Variants in MED13 observed in about 807,000 individuals in gnomAD.
MED13 encodes mediator complex subunit 13.
In MED13, 23 loss-of-function variants were observed where a neutral mutation model predicts 225.2. The ratio of observed to expected loss-of-function variants is 0.10; its 90% CI spans 0.07 to 0.14. The LOEUF (loss-of-function observed/expected upper bound fraction) is 0.14, where lower values mean the gene tolerates loss of function less well. Among genes scored for constraint, MED13 ranks in the 10% least tolerant of loss-of-function variants. The pLI is 1.00. For missense variants in MED13, 2,197 were observed against 2,594.5 expected (o/e 0.85, Z 3.33); for synonymous variants, 942 against 889.2 (o/e 1.06, Z -1.06).
intron 8 of MED13, among the ~76,000 whole-genome samples, chr17:62,012,537 T>C (rs1260624485): frequency 6.6e-6 from 1 of 150,612 alleles, no homozygotes; most frequent in Non-Finnish European, 1.5e-5. Context: ...TCCATGTTGG[T>C]CAGGCTGGTC....
chr17:62,001,578 A>G (rs1315433045), intron 9 of MED13, among the ~76,000 whole-genome samples: 1 of 152,308 alleles, frequency 6.6e-6, no homozygotes, highest in Non-Finnish European at 1.5e-5. Context: ...TCCATTCTAT[A>G]GTCCTACGCT....
chr17:61,997,994 A>G (rs1343717637), intron 9 of MED13, among the ~76,000 whole-genome samples: 1 of 152,240 alleles, frequency 6.6e-6, no homozygotes. Context: ...CACAGACATT[A>G]GCATGTGCAA....
intron 16 of MED13, among the ~76,000 whole-genome samples, chr17:61,981,304 G>A (rs2080202470): frequency 6.6e-6 from 1 of 152,198 alleles, no homozygotes; most frequent in Admixed American, 6.5e-5. Context: ...TTACAGGCAT[G>A]AGCCACTGTG....
Position 61,949,036 on chromosome 17 carries a change from C to T in MED13, c.6291+1789G>A, listed in dbSNP as rs963695419. Among the ~76,000 whole-genome samples the T allele has an allele frequency of 3.3e-5, 5 of 149,554 alleles. No homozygotes were observed. The East Asian group carries it at 1.0e-3, about 30-fold the overall frequency. ...CCGGGAGGCGGAGCTTGCAGTGAGC[C>T]GAGATCCCGCCACTGCACTCCAGCC... On this transcript the variant is annotated intron_variant, in intron 28 of 29. Transcript: ENST00000397786.
At chr17:61,960,473 A>G (rs1364827635) in intron 23 of MED13, among the ~76,000 whole-genome samples, 1 of 152,102 alleles carries the variant, frequency 6.6e-6, no homozygotes, top group East Asian at 1.9e-4. Flanking sequence ...TTAAATCGCC[A>G]ATTTTAGTAA....
chr17:61,979,801 G>A (rs1447894250), intron 16 of MED13, among the ~76,000 whole-genome samples: 2 of 152,088 alleles, frequency 1.3e-5, no homozygotes, highest in African/African-American at 4.8e-5. Context: ...GCCTATCAAG[G>A]TGACCACCAA....
At chr17:62,058,483 T>TAC (rs2081012379) in intron 2 of MED13, among the ~76,000 whole-genome samples, 1 of 122,366 alleles carries the variant, frequency 8.2e-6, no homozygotes, top group South Asian at 2.5e-4. Flanking sequence ...ATCGCCCCAC[T>TAC]ACACTCCAGC....
chr17:62,036,083 C>G (rs1041095898), intron 3 of MED13, among the ~76,000 whole-genome samples: 1 of 149,026 alleles, frequency 6.7e-6, no homozygotes, highest in Admixed American at 6.7e-5. Context: ...GGCCACTGTA[C>G]CCAGCTCTTT....
At chr17:61,994,343 TATCTTA>T (rs774361977) in intron 10 of MED13, among the ~76,000 whole-genome samples, 19 of 152,334 alleles carry the variant, frequency 1.2e-4, no homozygotes, top group Middle Eastern at 3.4e-3. Flanking sequence ...GTAGCAAAGT[TATCTTA>T]ATCTTAACAA....
Position 61,946,967 on chromosome 17 carries a change from G to A in MED13, c.6342C>T (p.His2114=). The A allele has an allele frequency of 1.2e-6, 2 of 1,614,126 alleles. No homozygotes were observed. The highest frequency in any genetic ancestry group is 1.7e-6 in the Non-Finnish European group (2 of 1,179,988). The change falls in exon 29 of 30, where the codon CAC becomes CAT. Residue 2114 remains histidine, a synonymous_variant. Transcript: ENST00000397786. ...AGTCAAGTGGGTGGGAGTGTTTACT[G>A]TGAAGCAGCTCGTCAGATTGCACTG... is the stretch of plus-strand genomic sequence containing the variant. ...VPSVQSDELL[H]SKHSHPLDSN... is the part of the protein sequence containing the mutation.
At chr17:61,995,473 C>G (rs1343268389) in intron 9 of MED13, 108 bp from the exon 10 acceptor site, 13 of 661,980 alleles carry the variant, frequency 2.0e-5, no homozygotes, top group Non-Finnish European at 2.4e-5. Flanking sequence ...ATTATCTAAC[C>G]TACAATCCCT....
chr17:62,010,288 A>C, intron 9 of MED13: 1 of 310,326 alleles, frequency 3.2e-6, no homozygotes, highest in Non-Finnish European at 5.8e-6. Flanking sequence ...GTACATGGGA[A>C]TTCTAACTGT....
intron 11 of MED13, among the ~76,000 whole-genome samples, chr17:61,989,428 G>A (rs1055272438): frequency 3.3e-5 from 5 of 151,990 alleles, no homozygotes; most frequent in South Asian, 4.1e-4. Context: ...TGCAACCTCC[G>A]ACTCCTAGAT....
intron 16 of MED13, among the ~76,000 whole-genome samples, chr17:61,974,241 G>A (rs1381892640): frequency 1.3e-5 from 2 of 151,804 alleles, no homozygotes; most frequent in African/African-American, 4.8e-5. Context: ...GCAAAACCCT[G>A]TCTCTACAAA....
chr17:61,976,352 CAAATCTAGAGAG>C (rs1382786171), intron 16 of MED13, among the ~76,000 whole-genome samples: 1 of 152,100 alleles, frequency 6.6e-6, no homozygotes, highest in Non-Finnish European at 1.5e-5. Flanking sequence ...CCAAAAGCGG[CAAATCTAGAGAG>C]ACAGAAAATA....
chr17:62,047,137 G>A (rs551101052), intron 3 of MED13, among the ~76,000 whole-genome samples: 11 of 152,028 alleles, frequency 7.2e-5, no homozygotes, highest in Admixed American at 3.9e-4. Flanking sequence ...TTGGGAGGCC[G>A]ACATGGGCGG....
intron 3 of MED13, among the ~76,000 whole-genome samples, chr17:62,049,571 CATT>C (rs752572448): frequency 6.6e-6 from 1 of 151,974 alleles, no homozygotes; most frequent in Non-Finnish European, 1.5e-5. Context: ...TAACTCATAA[CATT>C]AATAATTAAG....
intron 11 of MED13, among the ~76,000 whole-genome samples, chr17:61,992,260 G>T (rs1479455039): frequency 6.6e-6 from 1 of 152,032 alleles, no homozygotes; most frequent in African/African-American, 2.4e-5. Flanking sequence ...CAGTAGAAGG[G>T]GGTGAGAAAT....
At chr17:62,030,235 T>A (rs888713943) in intron 6 of MED13, 2 of 414,816 alleles carry the variant, frequency 4.8e-6, no homozygotes, top group Non-Finnish European at 8.4e-6. Context: ...GTACCAAGAG[T>A]GGGGTTCTCA....
Sources: allele counts gnomAD v4.1 joint callset (sites outside exome capture counted in the v4.1 genomes callset), GRCh38; gene constraint gnomAD v4.1.1; transcripts MANE v1.5; gene names NCBI Gene and HGNC (gene_info 2026-07-23, HGNC 2026-07-21).